The following LINGO2 variants were observed in gnomAD, a reference collection of about 807,000 sequenced individuals.
LINGO2 encodes the protein leucine-rich repeat and immunoglobulin-like domain-containing nogo receptor-interacting protein 2.
LINGO2 carries 14 observed loss-of-function variants against 30.6 expected under a neutral mutation model. The ratio of observed to expected loss-of-function variants is 0.46; its 90% CI spans 0.30 to 0.72. The LOEUF (loss-of-function observed/expected upper bound fraction) is 0.72, where lower values mean the gene tolerates loss of function less well. Among genes scored for constraint, LINGO2 ranks in the 30% least tolerant of loss-of-function variants. The pLI is 0.07. For synonymous variants in LINGO2, 317 were observed against 288.5 expected (o/e 1.10, Z -1.00); for missense variants, 729 against 751.7 (o/e 0.97, Z 0.35).
At chr9:28,459,619 C>G (rs775037911) in intron 2 of LINGO2, among the ~76,000 whole-genome samples, 13 of 151,858 alleles carry the variant, frequency 8.6e-5, no homozygotes, top group Admixed American at 2.0e-4. Flanking sequence ...ACTTTTCGCT[C>G]CTTAGAATCA....
the LINGO2 span, among the ~76,000 whole-genome samples, chr9:29,023,501 A>C: frequency 6.6e-6 from 1 of 152,120 alleles, no homozygotes. Context: ...GCACTCTTTC[A>C]TTTAAAGGAT....
the LINGO2 span, among the ~76,000 whole-genome samples, chr9:28,794,132 C>T: frequency 6.6e-6 from 1 of 152,018 alleles, no homozygotes; most frequent in Non-Finnish European, 1.5e-5. Flanking sequence ...AGTGAAACCC[C>T]GTCTGTACTA....
the LINGO2 span, among the ~76,000 whole-genome samples, chr9:29,002,463 T>C: frequency 6.6e-6 from 1 of 152,074 alleles, no homozygotes; most frequent in African/African-American, 2.4e-5. Context: ...GTCCTGCTGA[T>C]AACATACTAA....
intron 4 of LINGO2, among the ~76,000 whole-genome samples, chr9:28,086,773 G>A (rs569814626): frequency 3.9e-4 from 59 of 152,122 alleles, no homozygotes; most frequent in South Asian, 1.4e-3. Flanking sequence ...CTTTAACAGA[G>A]TCACTCTTTT....
the LINGO2 span, among the ~76,000 whole-genome samples, chr9:28,732,167 A>G: frequency 2.0e-5 from 3 of 152,230 alleles, no homozygotes; most frequent in South Asian, 6.2e-4. Context: ...AAGTGGTGAA[A>G]AAAAGTCTCC....
At chr9:28,614,243 A>AT (rs548954909) in intron 1 of LINGO2, among the ~76,000 whole-genome samples, 1 of 152,112 alleles carries the variant, frequency 6.6e-6, no homozygotes, top group Non-Finnish European at 1.5e-5. Context: ...TAATGAAATC[A>AT]TTTTTTATTA....
At chr9:28,840,933 C>T in the LINGO2 span, among the ~76,000 whole-genome samples, 2 of 151,772 alleles carry the variant, frequency 1.3e-5, no homozygotes, top group Admixed American at 6.5e-5. Context: ...ATGAAAAGCT[C>T]CTTCCTACCT....
intron 3 of LINGO2, among the ~76,000 whole-genome samples, chr9:28,369,036 G>A (rs2134556305): frequency 6.6e-6 from 1 of 152,204 alleles, no homozygotes; most frequent in Non-Finnish European, 1.5e-5. Flanking sequence ...TCATGATGTG[G>A]GAAAGAATCT....
At chr9:29,136,739 T>G in the LINGO2 span, among the ~76,000 whole-genome samples, 1 of 152,122 alleles carries the variant, frequency 6.6e-6, no homozygotes, top group East Asian at 1.9e-4. Flanking sequence ...TACATACTAA[T>G]GCATAATATA....
chr9:28,447,050 T>C (rs1050182730), intron 2 of LINGO2, among the ~76,000 whole-genome samples: 1 of 152,188 alleles, frequency 6.6e-6, no homozygotes, highest in African/African-American at 2.4e-5. Context: ...TCCCTTTGGC[T>C]GTCTAACTCT....
intron 4 of LINGO2, among the ~76,000 whole-genome samples, chr9:28,029,810 T>G (rs1823577084): frequency 6.6e-6 from 1 of 152,206 alleles, no homozygotes; most frequent in African/African-American, 2.4e-5. Context: ...ATGTACAAAT[T>G]CTTCAACTGT....
intron 2 of LINGO2, among the ~76,000 whole-genome samples, chr9:28,466,988 G>A (rs889382990): frequency 2.0e-5 from 3 of 150,272 alleles, no homozygotes; most frequent in Non-Finnish European, 3.0e-5. Context: ...AAAGTGGGTG[G>A]ATTTGTTCCA....
intron 1 of LINGO2, among the ~76,000 whole-genome samples, chr9:28,503,441 C>T (rs1564247903): frequency 6.6e-6 from 1 of 151,886 alleles, no homozygotes; most frequent in Non-Finnish European, 1.5e-5. Context: ...TGTATGATAA[C>T]TCATTTAGCA....
chr9:28,695,359 G>A, the LINGO2 span, among the ~76,000 whole-genome samples: 4 of 151,816 alleles, frequency 2.6e-5, no homozygotes, highest in Non-Finnish European at 5.9e-5. Flanking sequence ...TGGTCAAAGA[G>A]GCAGGAAAAT....
the LINGO2 span, among the ~76,000 whole-genome samples, chr9:28,766,160 C>A: frequency 1.7e-3 from 259 of 152,042 alleles, 3 homozygotes; most frequent in African/African-American, 6.1e-3. Flanking sequence ...ACAAGGCTGC[C>A]TACTATTTGG....
At chr9:28,068,967 C>G (rs922293694) in intron 4 of LINGO2, among the ~76,000 whole-genome samples, 1 of 152,090 alleles carries the variant, frequency 6.6e-6, no homozygotes, top group Admixed American at 6.6e-5. Flanking sequence ...AGCTTATATT[C>G]TAGATATTGT....
chr9:28,813,898 T>G, the LINGO2 span, among the ~76,000 whole-genome samples: 1 of 152,122 alleles, frequency 6.6e-6, no homozygotes, highest in Non-Finnish European at 1.5e-5. Flanking sequence ...CTGCATTATG[T>G]ACAAGAACCT....
the LINGO2 span, among the ~76,000 whole-genome samples, chr9:28,675,733 T>C: frequency 6.6e-6 from 1 of 151,272 alleles, no homozygotes; most frequent in African/African-American, 2.4e-5. Flanking sequence ...TAGCCAGGTG[T>C]GGTGGCAGGC....
chr9:28,192,292 G>A (rs114581230), intron 4 of LINGO2, among the ~76,000 whole-genome samples: 3,591 of 151,982 alleles, frequency 0.024, 138 homozygotes, highest in African/African-American at 0.074. Flanking sequence ...TATAAACAGA[G>A]TAAATATTTT....
Sources: allele counts gnomAD v4.1 joint callset (sites outside exome capture counted in the v4.1 genomes callset), GRCh38; gene constraint gnomAD v4.1.1; transcripts MANE v1.5; gene names NCBI Gene and HGNC (gene_info 2026-07-23, HGNC 2026-07-21).